SCGB2B2: variants seen among roughly 807,000 people sequenced by gnomAD.
SCGB2B2 encodes the protein secretoglobin-like protein.
In SCGB2B2, 11 loss-of-function variants were observed where a neutral mutation model predicts 7.6. The observed-to-expected ratio is 1.45, with a 90% confidence interval of 0.91 to 2.40. SCGB2B2 has a LOEUF of 2.40. Among genes scored for constraint, SCGB2B2 ranks in the 30% most tolerant of loss-of-function variants. SCGB2B2 has a pLI of 0.00. For missense variants in SCGB2B2, 104 were observed against 115.4 expected, an observed-to-expected ratio of 0.90 and a Z score of 0.45; for synonymous variants, 50 against 48.6, an observed-to-expected ratio of 1.03 and a Z score of -0.12.
intron 1 of SCGB2B2, among the ~76,000 whole-genome samples, chr19:34,650,267 G>T (rs2067129378): frequency 6.6e-6 from 1 of 151,276 alleles, no homozygotes; most frequent in African/African-American, 2.5e-5. Context: ...AACCTATGGA[G>T]ATTGGGGATC....
At chr19:34,661,719 C>T (rs1383523276) in intron 1 of SCGB2B2, among the ~76,000 whole-genome samples, 2 of 152,210 alleles carry the variant, frequency 1.3e-5, no homozygotes, top group Non-Finnish European at 2.9e-5. Flanking sequence ...TTCTCTTAAA[C>T]CAAGCTTGTC....
downstream of SCGB2B2, among the ~76,000 whole-genome samples, chr19:34,588,927 TG>T (rs1206035668): frequency 6.6e-6 from 1 of 151,630 alleles, no homozygotes; most frequent in Non-Finnish European, 1.5e-5. Context: ...ACCTGAGAGA[TG>T]GGGCCCAGCA....
Position 34,643,456 on chromosome 19 carries a change from G to A in SCGB2B2, c.-2032+32174C>T, listed in dbSNP as rs118160957. 1.6e-4 allele frequency among the ~76,000 whole-genome samples: 24 copies of A among 152,168 alleles called. No individual in the cohort carries two copies. In the East Asian group the frequency reaches 4.4e-3, roughly 28 times the overall value. On this transcript the variant is annotated intron_variant, in intron 1 of 3. Coordinates refer to ENST00000601241, the MANE Select transcript of SCGB2B2 (RefSeq NM_001025591.4). ...GGGAGATGAAGAGAGGGAGGTTAAC[G>A]CATGAAAGCCTACAGTTAGATAAAA...
chr19:34,651,372 T>C (rs1377663371), intron 1 of SCGB2B2, among the ~76,000 whole-genome samples: 1 of 150,966 alleles, frequency 6.6e-6, no homozygotes, highest in Non-Finnish European at 1.5e-5. Flanking sequence ...AAAAATCTCT[T>C]AGAAAGAAAA....
intron 1 of SCGB2B2, among the ~76,000 whole-genome samples, chr19:34,668,689 C>G (rs2067710278): frequency 1.3e-5 from 2 of 152,016 alleles, no homozygotes; most frequent in South Asian, 4.1e-4. Context: ...GTGTCTAGCT[C>G]AGGGTTTGTG....
At chr19:34,660,525 T>C (rs75403623) in intron 1 of SCGB2B2, among the ~76,000 whole-genome samples, 16,844 of 152,142 alleles carry the variant, frequency 0.11, 980 homozygotes, top group East Asian at 0.22. Flanking sequence ...CCAACAGATA[T>C]ATGAAAAAAT....
intron 1 of SCGB2B2, among the ~76,000 whole-genome samples, chr19:34,657,440 G>C (rs2067312686): frequency 1.3e-5 from 2 of 151,142 alleles, no homozygotes. Context: ...AAAAAAGCAG[G>C]GGTTGCAATC....
At position 34,595,781 on chromosome 19, in the gene SCGB2B2, G is replaced by T. The variant is rs927434894; in HGVS notation, c.-1218C>A. On this transcript the variant is annotated 5_prime_UTR_variant, in exon 2 of 4. Coordinates refer to ENST00000601241, the MANE Select transcript of SCGB2B2 (RefSeq NM_001025591.4). ...TTGTCTCCTGACAGGACCCTAAATTGTAAGTGTGACCCCAGGGGCAGAATC... is the reference window on the plus strand; with the variant it reads ...TTGTCTCCTGACAGGACCCTAAATTTTAAGTGTGACCCCAGGGGCAGAATC... 6.6e-6 allele frequency: 1 copy of T among 152,302 alleles called. No homozygotes were observed. Among genetic ancestry groups the T allele is most frequent in the Non-Finnish European group, 1.5e-5 (1 of 68,068 alleles). The allele number at this position is 152,302 out of a possible 1,614,324, so 9.4% of individuals were successfully genotyped here. A position where few individuals can be genotyped will look rare whatever the true frequency, so the allele number is the denominator to read the frequency against.
intron 1 of SCGB2B2, among the ~76,000 whole-genome samples, chr19:34,612,199 T>C (rs552465728): frequency 7.2e-5 from 11 of 151,922 alleles, no homozygotes; most frequent in African/African-American, 2.4e-4. Context: ...CCACCACACC[T>C]GGCTAATTTT....
rs1234689922 is a variant in SCGB2B2, at chr19:34,638,873, C to T, written c.-2032+36757G>A. Among the ~76,000 whole-genome samples the T allele has an allele frequency of 3.9e-5, 6 of 152,190 alleles. No individual in the cohort carries two copies. In the East Asian group the frequency reaches 5.8e-4, roughly 15 times the overall value. On this transcript the variant is annotated intron_variant, in intron 1 of 3. Transcript: ENST00000601241. Reference sequence around the variant, plus strand: ...GCCCTTAAACCCCAATAAAAGGGACCATATCAAGTTCTTCTTCCCACCCAA... The same window carrying T: ...GCCCTTAAACCCCAATAAAAGGGACTATATCAAGTTCTTCTTCCCACCCAA...
At chr19:34,651,637 CA>C (rs991374502) in intron 1 of SCGB2B2, among the ~76,000 whole-genome samples, 1 of 150,886 alleles carries the variant, frequency 6.6e-6, no homozygotes, top group Non-Finnish European at 1.5e-5. Flanking sequence ...AAGAAGACAC[CA>C]AAAAATGAAA....
intron 1 of SCGB2B2, among the ~76,000 whole-genome samples, chr19:34,660,373 G>A (rs2067418597): frequency 6.6e-6 from 1 of 152,094 alleles, no homozygotes; most frequent in Non-Finnish European, 1.5e-5. Flanking sequence ...GAAAATTTTC[G>A]TAATCTACCC....
intron 1 of SCGB2B2, among the ~76,000 whole-genome samples, chr19:34,619,552 T>C (rs939352258): frequency 6.6e-6 from 1 of 152,196 alleles, no homozygotes; most frequent in Middle Eastern, 3.4e-3. Flanking sequence ...TTTTATGAGA[T>C]GTAGAATCTC....
At chr19:34,619,718 T>C (rs1480243532) in intron 1 of SCGB2B2, among the ~76,000 whole-genome samples, 4 of 152,200 alleles carry the variant, frequency 2.6e-5, no homozygotes, top group Non-Finnish European at 5.9e-5. Context: ...GCCACCAGCA[T>C]GAAAAGACAA....
In SCGB2B2 at chr19:34,592,088, A is replaced by G. The variant is rs1238955691; in HGVS notation, c.*1467T>C. Among the ~76,000 whole-genome samples, 2 of 152,048 alleles carry G rather than the reference A, an allele frequency of 1.3e-5. No homozygotes were observed. Among genetic ancestry groups the G allele is most frequent in the African/African-American group, 4.8e-5 (2 of 41,422 alleles). ...TAAATGAGGCCAATTCTGGGGACAG[A>G]GGGGAGATGATGTGTCCTGAGATGG... On this transcript the variant is annotated 3_prime_UTR_variant, in exon 4 of 4. Coordinates refer to ENST00000601241, the MANE Select transcript of SCGB2B2 (RefSeq NM_001025591.4).
chr19:34,592,981 T>A lies in SCGB2B2; in HGVS notation c.*574A>T, dbSNP rs964542341. On this transcript the variant is annotated 3_prime_UTR_variant, in exon 4 of 4. Coordinates refer to ENST00000601241, the MANE Select transcript of SCGB2B2 (RefSeq NM_001025591.4). ...GGGGGAGAAAAAAGGACAGCTTGGG[T>A]AGGTAGGGATGGAGAAGTGTGTTAA... is the stretch of plus-strand genomic sequence containing the variant. 6.6e-5 allele frequency among the ~76,000 whole-genome samples: 10 copies of A among 151,646 alleles called. No homozygotes were observed. The highest frequency in any genetic ancestry group is 1.7e-4 in the African/African-American group (7 of 41,218).
intron 1 of SCGB2B2, among the ~76,000 whole-genome samples, chr19:34,670,426 T>C (rs2067772153): frequency 6.6e-6 from 1 of 152,222 alleles, no homozygotes; most frequent in Non-Finnish European, 1.5e-5. Context: ...GTCTTTAATT[T>C]TCACTATTCC....
chr19:34,664,107 T>C (rs1459552339), intron 1 of SCGB2B2, among the ~76,000 whole-genome samples: 12 of 152,146 alleles, frequency 7.9e-5, no homozygotes, highest in Admixed American at 7.9e-4. Flanking sequence ...GAACCCACAG[T>C]TGAGGGAGCT....
intron 3 of SCGB2B2, 104 bp from the exon 4 acceptor site, chr19:34,593,703 T>A: frequency 1.1e-6 from 1 of 881,074 alleles, no homozygotes; most frequent in Non-Finnish European, 1.8e-6. Flanking sequence ...TCCTTGAGTG[T>A]GTCTGCTTGT....
Sources: gnomAD v4.1 joint callset for allele counts (sites outside exome capture counted in the v4.1 genomes callset) on GRCh38, gnomAD v4.1.1 for gene constraint, MANE v1.5 for transcripts, NCBI Gene and HGNC (gene_info 2026-07-23, HGNC 2026-07-21) for gene names.